Variants in TCTN2 observed in about 807,000 individuals in gnomAD.
TCTN2 encodes the protein tectonic family member 2.
TCTN2 carries 66 observed loss-of-function variants against 83.4 expected under a neutral mutation model. That is an observed-to-expected ratio of 0.79 (90% CI 0.65 to 0.97). The LOEUF is 0.97. Among genes scored for constraint, TCTN2 ranks in the 50% least tolerant of loss-of-function variants. TCTN2 has a pLI of 0.00. For synonymous variants in TCTN2, 301 were observed against 326.7 expected, an observed-to-expected ratio of 0.92 and a Z score of 0.85; for missense variants, 794 against 858.1, an observed-to-expected ratio of 0.93 and a Z score of 0.93.
intron 14 of TCTN2, chr12:123,700,076 A>T (rs1399182402): frequency 7.6e-6 from 4 of 527,262 alleles, no homozygotes; most frequent in Non-Finnish European, 1.0e-5. Flanking sequence ...CAGTGGTGCA[A>T]TCACAGCTCA....
At chr12:123,690,930 G>A (rs183507657) in intron 8 of TCTN2, among the ~76,000 whole-genome samples, 2 of 152,212 alleles carry the variant, frequency 1.3e-5, no homozygotes, top group East Asian at 1.9e-4. Context: ...GTGCAGTGGC[G>A]TGATCTCGGC....
intron 4 of TCTN2, among the ~76,000 whole-genome samples, chr12:123,674,853 C>T (rs1955801797): frequency 6.6e-6 from 1 of 152,042 alleles, no homozygotes; most frequent in African/African-American, 2.4e-5. Context: ...TCATTTCCAG[C>T]TTTTTTTAAA....
At chr12:123,683,403 C>G (rs996977763) in intron 5 of TCTN2, among the ~76,000 whole-genome samples, 19 of 151,332 alleles carry the variant, frequency 1.3e-4, no homozygotes, top group Non-Finnish European at 2.2e-4. Flanking sequence ...CCTTGGCCTC[C>G]CAAAGCGATG....
intron 14 of TCTN2, among the ~76,000 whole-genome samples, chr12:123,702,955 A>C (rs1301525989): frequency 6.6e-6 from 1 of 152,160 alleles, no homozygotes; most frequent in Admixed American, 6.5e-5. Flanking sequence ...GGAATCCCTG[A>C]AGGAGCAAAG....
chr12:123,695,585 CTTT>C (rs34123979), intron 11 of TCTN2: 944 of 172,362 alleles, frequency 5.5e-3, no homozygotes, highest in South Asian at 0.015. Context: ...CCATGCCTGG[CTTT>C]TTTTTTTTTT....
chr12:123,699,573 A>C (rs1281045685), intron 13 of TCTN2, 131 bp from the exon 14 acceptor site: 1 of 770,080 alleles, frequency 1.3e-6, no homozygotes, highest in East Asian at 2.7e-5. Context: ...ACACCCAGCC[A>C]GTTTTTAATG....
intron 8 of TCTN2, among the ~76,000 whole-genome samples, chr12:123,691,014 G>T (rs371616969): frequency 8.6e-5 from 13 of 151,974 alleles, no homozygotes; most frequent in African/African-American, 3.1e-4. Flanking sequence ...GACTACAGGT[G>T]CCTGCCACCA....
Position 123,708,007 on chromosome 12 carries a change from CTTTTTTTT to C in TCTN2, c.*310_*317del. On this transcript the variant is annotated 3_prime_UTR_variant, in exon 18 of 18. Coordinates refer to ENST00000303372, the MANE Select transcript of TCTN2 (RefSeq NM_024809.5). ...ACAGGCATGAGCCACCGCACCCGGC[CTTTTTTTT>C]TTTTTTTTTTTTTTTGAGGCGGGGT... 8.9e-5 allele frequency: 19 copies of C among 213,646 alleles called. No homozygotes were observed. Among genetic ancestry groups the C allele is most frequent in the South Asian group, 1.9e-4 (4 of 20,876 alleles). 13.2% of individuals were successfully genotyped at this position (213,646 alleles called of 1,614,324 possible).
chr12:123,689,818 A>T (rs7307343), intron 7 of TCTN2, among the ~76,000 whole-genome samples: 1 of 151,978 alleles, frequency 6.6e-6, no homozygotes, highest in Non-Finnish European at 1.5e-5. Flanking sequence ...AAGTGAATGA[A>T]TGACAGGGTC....
In TCTN2 at chr12:123,707,048, A is replaced by AT. The variant is rs1566265827; in HGVS notation, c.1960dup (p.Tyr654LeufsTer18). The AT allele has an allele frequency of 6.2e-7, 1 of 1,613,684 alleles. No individual in the cohort carries two copies. Among genetic ancestry groups the AT allele is most frequent in the South Asian group, 1.1e-5 (1 of 91,054 alleles). On this transcript the variant is annotated frameshift_variant, in exon 17 of 18. Coordinates refer to ENST00000303372, the MANE Select transcript of TCTN2 (RefSeq NM_024809.5). LOFTEE classifies it low-confidence loss of function (END_TRUNC). ...ATGAGGTGTGTTGGCCGCAGCTTCT[A>AT]TATCCATGGACTCAGTATTATCAAG...
At position 123,679,260 on chromosome 12, in the gene TCTN2, G is replaced by A. The variant is rs1955864301; in HGVS notation, c.535G>A (p.Ala179Thr). The A allele has an allele frequency of 1.2e-6, 2 of 1,613,906 alleles. No individual in the cohort carries two copies. The highest frequency in any genetic ancestry group is 1.7e-6 in the Non-Finnish European group (2 of 1,179,938). The change falls in exon 5 of 18, where the codon GCC (alanine) becomes ACC (threonine). Residue 179 changes from alanine to threonine, a missense_variant. By Grantham distance (58) the Ala-to-Thr change is moderately conservative. Coordinates refer to ENST00000303372, the MANE Select transcript of TCTN2 (RefSeq NM_024809.5). ...GPCPCNLTAG[A>T]CDVRCCCDQE... ...TTGTCCTTGTAATTTAACAGCTGGA[G>A]CCTGTGATGTTCGCTGCTGCTGTGA...
chr12:123,674,543 C>T (rs138031648), intron 4 of TCTN2, among the ~76,000 whole-genome samples: 1 of 152,342 alleles, frequency 6.6e-6, no homozygotes, highest in Non-Finnish European at 1.5e-5. Flanking sequence ...GCTGGGATTA[C>T]AGGCGTGAGC....
At chr12:123,676,100 A>G (rs1444744922) in intron 4 of TCTN2, among the ~76,000 whole-genome samples, 1 of 152,064 alleles carries the variant, frequency 6.6e-6, no homozygotes, top group Non-Finnish European at 1.5e-5. Flanking sequence ...GCAACATGGC[A>G]AAACCCTGTC....
chr12:123,685,264 A>G (rs1231713961), intron 5 of TCTN2, among the ~76,000 whole-genome samples: 1 of 152,136 alleles, frequency 6.6e-6, no homozygotes, highest in African/African-American at 2.4e-5. Context: ...ATGCAGCAGC[A>G]CTTTATAAAC....
chr12:123,673,328 A>C (rs1172350862), intron 3 of TCTN2, among the ~76,000 whole-genome samples: 2 of 152,200 alleles, frequency 1.3e-5, no homozygotes, highest in African/African-American at 4.8e-5. Flanking sequence ...GATGATAAAG[A>C]AACTAAAAAG....
chr12:123,688,031 C>T lies in TCTN2; in HGVS notation c.765-20C>T, dbSNP rs751731961. 3.1e-6 allele frequency: 5 copies of T among 1,613,324 alleles called. No homozygotes were observed. The highest frequency in any genetic ancestry group is 1.7e-4 in the Middle Eastern group (1 of 6,054). On this transcript the variant is annotated intron_variant, in intron 6 of 17. Transcript: ENST00000303372. ...TTAGCAGATAACTGAAACTATTCAGCCTTTCTTATTGATTTTCAGTTCCCC... is the reference window on the plus strand; with the variant it reads ...TTAGCAGATAACTGAAACTATTCAGTCTTTCTTATTGATTTTCAGTTCCCC...
Position 123,695,192 on chromosome 12 carries a change from A to G in TCTN2, c.1235-28A>G, listed in dbSNP as rs12831081. On this transcript the variant is annotated intron_variant, in intron 10 of 17. Coordinates refer to ENST00000303372, the MANE Select transcript of TCTN2 (RefSeq NM_024809.5). The stretch of plus-strand genomic sequence containing the variant: ...TTCTTTTCCTAGTGAAATGGTGCAC[A>G]TTATATTTTATTTTGTTTTATTTCT... 0.37 allele frequency: 538,321 copies of G among 1,474,422 alleles called. 102,844 individuals carry two copies. Among genetic ancestry groups the G allele is most frequent in the African/African-American group, 0.42 (30,021 of 72,026 alleles). The allele number at this position is 1,474,422 out of a possible 1,614,324, so 91.3% of individuals were successfully genotyped here.
Position 123,671,253 on chromosome 12 carries a change from C to A in TCTN2, c.13C>A (p.Pro5Thr). 2.5e-6 allele frequency: 4 copies of A among 1,613,310 alleles called. No homozygotes were observed. Among genetic ancestry groups the A allele is most frequent in the Non-Finnish European group, 3.4e-6 (4 of 1,179,818 alleles). Residue 5 changes from proline to threonine, a missense_variant, in exon 1 of 18, where the codon CCT becomes ACT. By Grantham distance (38) the Pro-to-Thr change is conservative (BLOSUM62 -1). Transcript: ENST00000303372. The part of the protein sequence containing the change: MGFQ[P>T]PAALLLRLFL... The stretch of plus-strand genomic sequence containing the variant: ...CGAGGTCTAAGGCATGGGCTTCCAG[C>A]CTCCGGCCGCTCTTCTTTTGAGGCT...
At chr12:123,694,002 AT>A (rs111409557) in intron 9 of TCTN2, among the ~76,000 whole-genome samples, 3,600 of 134,736 alleles carry the variant, frequency 0.027, 109 homozygotes, top group African/African-American at 0.071. Flanking sequence ...ATTTTTTTGT[AT>A]TTTTTTTTTT....
Sources: allele counts gnomAD v4.1 joint callset (sites outside exome capture counted in the v4.1 genomes callset), GRCh38; gene constraint gnomAD v4.1.1; transcripts MANE v1.5; gene names NCBI Gene and HGNC (gene_info 2026-07-23, HGNC 2026-07-21).